The following ATXN10 variants were observed in gnomAD, a reference collection of about 807,000 sequenced individuals.
The protein encoded by ATXN10 is ataxin-10.
ATXN10 carries 28 observed loss-of-function variants against 52.9 expected under a neutral mutation model. That is an observed-to-expected ratio of 0.53 (90% confidence interval 0.39 to 0.73). The LOEUF is 0.73. Ranked by LOEUF, ATXN10 falls within the 30% of genes least tolerant of loss-of-function variation. The probability of loss-of-function intolerance (pLI) is 0.00; values close to 1 mark genes in which losing one functional copy is unlikely to be tolerated. For missense variants in ATXN10, 565 were observed against 577.0 expected, an observed-to-expected ratio of 0.98 and a Z score of 0.21; for synonymous variants, 226 against 221.5, an observed-to-expected ratio of 1.02 and a Z score of -0.18.
At chr22:45,743,833 C>A (rs772478626) in intron 9 of ATXN10, among the ~76,000 whole-genome samples, 14 of 152,210 alleles carry the variant, frequency 9.2e-5, no homozygotes, top group Non-Finnish European at 1.6e-4. Flanking sequence ...AGAGGCCATC[C>A]AGTTAGGTGC....
At chr22:45,743,030 C>T (rs1925597079) in intron 9 of ATXN10, among the ~76,000 whole-genome samples, 1 of 152,156 alleles carries the variant, frequency 6.6e-6, no homozygotes, top group Non-Finnish European at 1.5e-5. Flanking sequence ...AAAAGGCTTG[C>T]GAAATAACTC....
rs1406785272 is a variant in ATXN10 at position 45,757,969 on chromosome 22, G to T, written c.1173+17431G>T. 6.6e-6 allele frequency among the ~76,000 whole-genome samples: 1 copy of T among 152,202 alleles called. No individual in the cohort carries two copies. Among genetic ancestry groups the T allele is most frequent in the Non-Finnish European group, 1.5e-5 (1 of 68,032 alleles). ...AATTTGTAAAAGAAGAAAAAAAGTT[G>T]AGCTTTTGTGATGACACACAAATTC... On this transcript the variant is annotated intron_variant, in intron 9 of 11. Transcript: ENST00000252934. The surrounding 1 kb of genome is among the most constrained non-coding windows in gnomAD (Gnocchi z 4.6).
rs1228948349 is a variant in ATXN10 at position 45,825,936 on chromosome 22, C to G, written c.1238-17055C>G. 6.6e-6 allele frequency among the ~76,000 whole-genome samples: 1 copy of G among 152,056 alleles called. No individual in the cohort carries two copies. Among genetic ancestry groups the G allele is most frequent in the Non-Finnish European group, 1.5e-5 (1 of 68,012 alleles). On this transcript the variant is annotated intron_variant, in intron 10 of 11. Coordinates refer to ENST00000252934, the MANE Select transcript of ATXN10 (RefSeq NM_013236.4). The surrounding 1 kb of genome is among the most constrained non-coding windows in gnomAD (Gnocchi z 4.5). ...TTAGCCCCAGGCGTGGTGGTGTGCA[C>G]CTGTAGTCCCAGCTACTTGGGAGGC...
At position 45,806,618 on chromosome 22, in the gene ATXN10, T is replaced by C. The variant is rs1928108228; in HGVS notation, c.1174-341T>C. 2.0e-5 allele frequency among the ~76,000 whole-genome samples: 3 copies of C among 152,178 alleles called. No homozygotes were observed. The South Asian group carries it at 6.2e-4, about 31-fold the overall frequency. On this transcript the variant is annotated intron_variant, in intron 9 of 11. Coordinates refer to ENST00000252934, the MANE Select transcript of ATXN10 (RefSeq NM_013236.4). The stretch of plus-strand genomic sequence containing the variant: ...AGAAGAGGAATTCACCCATGTTTTT[T>C]TCTAGTACTGATTTTCTTTATTATT...
intron 1 of ATXN10, chr22:45,674,529 T>A (rs1258887691): frequency 1.3e-5 from 2 of 152,338 alleles, no homozygotes; most frequent in Non-Finnish European, 2.9e-5. Flanking sequence ...CCTGCTCCTC[T>A]GAGAGGATCC....
At position 45,736,421 on chromosome 22, in the gene ATXN10, C is replaced by T. The variant is rs192262016; in HGVS notation, c.895-2310C>T. Among the ~76,000 whole-genome samples, 447 of 151,870 alleles carry T rather than the reference C, an allele frequency of 2.9e-3. 2 individuals are homozygous for T. The highest frequency in any genetic ancestry group is 8.9e-3 in the South Asian group (43 of 4,810). On this transcript the variant is annotated intron_variant, in intron 7 of 11. Transcript: ENST00000252934. The stretch of plus-strand genomic sequence containing the variant: ...ATCAAATAAATAGTATTCAGATTTC[C>T]CCCATTGTCTAATAATCTTTTTCAA...
In ATXN10 at chr22:45,783,941, C is replaced by T. The variant is rs921092258; in HGVS notation, c.1174-23018C>T. 2.6e-4 allele frequency among the ~76,000 whole-genome samples: 40 copies of T among 152,154 alleles called. No individual in the cohort carries two copies. The highest frequency in any genetic ancestry group is 9.7e-4 in the African/African-American group (40 of 41,432). On this transcript the variant is annotated intron_variant, in intron 9 of 11. Coordinates refer to ENST00000252934, the MANE Select transcript of ATXN10 (RefSeq NM_013236.4). This position sits in a 1 kb window ranked among gnomAD's most constrained non-coding sequence, Gnocchi z 5.0. ...GAGAGTTTGGCACTTGAGATGTCTT[C>T]CTAGGTCTGCTGAGGCTGGCGGCCC...
chr22:45,740,322 A>G (rs772054999), intron 8 of ATXN10, 47 bp from the exon 9 acceptor site: 14 of 1,599,606 alleles, frequency 8.8e-6, no homozygotes, highest in South Asian at 6.6e-5. Context: ...ACAACATACT[A>G]AAAGTTACTT....
intron 9 of ATXN10, among the ~76,000 whole-genome samples, chr22:45,746,539 C>T (rs1411661428): frequency 6.6e-6 from 1 of 152,062 alleles, no homozygotes; most frequent in Non-Finnish European, 1.5e-5. Flanking sequence ...AAATGCTTAA[C>T]TAATATGTGT....
intron 1 of ATXN10, chr22:45,672,875 C>A (rs1323903387): frequency 2.6e-5 from 4 of 152,234 alleles, no homozygotes; most frequent in Non-Finnish European, 5.9e-5. Context: ...CCTTAGAATT[C>A]TTGTCTAAAA....
chr22:45,717,508 C>G (rs1924490994), intron 5 of ATXN10, among the ~76,000 whole-genome samples: 1 of 152,092 alleles, frequency 6.6e-6, no homozygotes, highest in South Asian at 2.1e-4. Context: ...AAATATTATC[C>G]ATTATTTTTA....
chr22:45,824,157 C>T lies in ATXN10; in HGVS notation c.1237+17135C>T, dbSNP rs990896515. ...AGTGTAGTCAGCCCGTCCTGTTTTC[C>T]CTTCCGGCACTCTGGCCACCCTCTT... On this transcript the variant is annotated intron_variant, in intron 10 of 11. Coordinates refer to ENST00000252934, the MANE Select transcript of ATXN10 (RefSeq NM_013236.4). This position sits in a 1 kb window ranked among gnomAD's most constrained non-coding sequence, Gnocchi z 5.2. Among the ~76,000 whole-genome samples, 37 of 152,218 alleles carry T rather than the reference C, an allele frequency of 2.4e-4. No individual in the cohort carries two copies. Among genetic ancestry groups the T allele is most frequent in the African/African-American group, 7.7e-4 (32 of 41,530 alleles).
intron 7 of ATXN10, among the ~76,000 whole-genome samples, chr22:45,737,603 C>A (rs1276500351): frequency 1.3e-5 from 2 of 151,370 alleles, no homozygotes; most frequent in African/African-American, 4.9e-5. Context: ...TAATGTATTA[C>A]CTTTAAATCT....
chr22:45,827,151 AC>A (rs1928843065), intron 10 of ATXN10, among the ~76,000 whole-genome samples: 2 of 151,374 alleles, frequency 1.3e-5, no homozygotes, highest in African/African-American at 4.9e-5. Flanking sequence ...ACACACACAC[AC>A]ACACACACAC....
intron 9 of ATXN10, among the ~76,000 whole-genome samples, chr22:45,761,368 C>T (rs1166509566): frequency 6.6e-6 from 1 of 152,218 alleles, no homozygotes; most frequent in Non-Finnish European, 1.5e-5. Flanking sequence ...CTCTCCAGGG[C>T]CCCTGGCACA....
At position 45,689,784 on chromosome 22, in the gene ATXN10, T is replaced by A; in HGVS notation, c.189T>A (p.Leu63=). The A allele has an allele frequency of 1.2e-6, 2 of 1,614,226 alleles. No homozygotes were observed. The highest frequency in any genetic ancestry group is 2.2e-5 in the South Asian group (2 of 91,086). Residue 63 remains leucine (L), a synonymous_variant, in exon 2 of 12, where the codon CTT becomes CTA. Transcript: ENST00000252934. ...AGAAATCTTCTCATGCTGTTGAGCT[T>A]GCCTGCAGAGATCCATCCCAAGTGG... is the stretch of plus-strand genomic sequence containing the variant. ...ILKKSSHAVE[L]ACRDPSQVEN...
Position 45,795,434 on chromosome 22 carries a change from G to T in ATXN10, c.1174-11525G>T, listed in dbSNP as rs1927700060. Among the ~76,000 whole-genome samples, 1 of 126,830 alleles carries T rather than the reference G, an allele frequency of 7.9e-6. No individual in the cohort carries two copies. The highest frequency in any genetic ancestry group is 2.7e-5 in the African/African-American group (1 of 36,948). The allele number at this position is 126,830 out of a possible 152,430, so 83.2% of individuals were successfully genotyped here. A position where few individuals can be genotyped will look rare whatever the true frequency, so the allele number is the denominator to read the frequency against. On this transcript the variant is annotated intron_variant, in intron 9 of 11. Transcript: ENST00000252934. This position sits in a 1 kb window ranked among gnomAD's most constrained non-coding sequence, Gnocchi z 4.6. Reference sequence around the variant, plus strand: ...TATTCTATTCTATTCTTTTTGAGATGAAGTCTCTCTATGTTGCCCAGGCTG... The same window carrying T: ...TATTCTATTCTATTCTTTTTGAGATTAAGTCTCTCTATGTTGCCCAGGCTG...
chr22:45,822,528 T>C (rs898053674), intron 10 of ATXN10, among the ~76,000 whole-genome samples: 1 of 142,314 alleles, frequency 7.0e-6, no homozygotes, highest in African/African-American at 2.7e-5. Context: ...CTCCAATTTT[T>C]TTTTTTTTTT....
chr22:45,839,884 C>T (rs568936516), intron 10 of ATXN10, among the ~76,000 whole-genome samples: 2 of 152,246 alleles, frequency 1.3e-5, no homozygotes, highest in African/African-American at 4.8e-5. Flanking sequence ...GGCAAAAACA[C>T]AGCCTGTGGG....
Sources: gnomAD v4.1 joint callset for allele counts (sites outside exome capture counted in the v4.1 genomes callset) on GRCh38, gnomAD v4.1.1 for gene constraint, Gnocchi (gnomAD v3.1) non-coding constraint, MANE v1.5 for transcripts, NCBI Gene and HGNC (gene_info 2026-07-23, HGNC 2026-07-21) for gene names.